Variants in RAI1 observed in about 807,000 individuals in gnomAD.
RAI1 encodes the protein retinoic acid induced 1.
RAI1 carries 9 observed loss-of-function variants against 123.8 expected under a neutral mutation model. The ratio of observed to expected loss-of-function variants is 0.07; its 90% CI spans 0.04 to 0.13. The LOEUF (loss-of-function observed/expected upper bound fraction) is 0.13, where lower values mean the gene tolerates loss of function less well. RAI1 is among the 10% of genes least tolerant of loss of function. The pLI is 1.00. For missense variants in RAI1, 2,256 were observed against 2,545.8 expected, an observed-to-expected ratio of 0.89 and a Z score of 2.45; for synonymous variants, 1,231 against 1,127.3, an observed-to-expected ratio of 1.09 and a Z score of -1.84.
chr17:17,737,349 C>G (rs1916463783), intron 2 of RAI1, among the ~76,000 whole-genome samples: 1 of 152,078 alleles, frequency 6.6e-6, no homozygotes, highest in African/African-American at 2.4e-5. Flanking sequence ...GAGGGTCTTG[C>G]CCAGACTCAC....
intron 2 of RAI1, among the ~76,000 whole-genome samples, chr17:17,773,352 C>A (rs2031234300): frequency 6.6e-6 from 1 of 152,144 alleles, no homozygotes; most frequent in Non-Finnish European, 1.5e-5. Context: ...GTGCATGGGA[C>A]AGAACAAGGT....
At chr17:17,682,116 C>A (rs1914443402) in intron 1 of RAI1, among the ~76,000 whole-genome samples, 1 of 146,134 alleles carries the variant, frequency 6.8e-6, no homozygotes, top group South Asian at 2.2e-4. Flanking sequence ...AAGGGATCTG[C>A]TTGCGCCGAG....
intron 1 of RAI1, among the ~76,000 whole-genome samples, chr17:17,682,729 TG>T (rs1914480560): frequency 6.6e-6 from 1 of 152,130 alleles, no homozygotes; most frequent in African/African-American, 2.4e-5. Context: ...CCCAGCTTCC[TG>T]GGGCGCCCGT....
At position 17,809,072 on chromosome 17, in the gene RAI1, G is replaced by T; in HGVS notation, c.5660-318G>T. The T allele has an allele frequency of 2.2e-6, 1 of 453,158 alleles. No homozygotes were observed. Among genetic ancestry groups the T allele is most frequent in the Non-Finnish European group, 4.1e-6 (1 of 242,860 alleles). The allele number at this position is 453,158 out of a possible 1,614,324, so 28.1% of individuals were successfully genotyped here. A position where few individuals can be genotyped will look rare whatever the true frequency, so the allele number is the denominator to read the frequency against. On this transcript the variant is annotated intron_variant, in intron 4 of 5. Coordinates refer to ENST00000353383, the MANE Select transcript of RAI1 (RefSeq NM_030665.4). This position sits in a 1 kb window ranked among gnomAD's most constrained non-coding sequence, Gnocchi z 4.9. ...TTAGGAGGCAGTGACAAGTGTGGCTGGCAGAGTAAGGCGGGAGGGAGGGAG... is the reference window on the plus strand; with the variant it reads ...TTAGGAGGCAGTGACAAGTGTGGCTTGCAGAGTAAGGCGGGAGGGAGGGAG...
At chr17:17,727,401 CT>C (rs1481205926) in intron 2 of RAI1, among the ~76,000 whole-genome samples, 9 of 152,226 alleles carry the variant, frequency 5.9e-5, no homozygotes, top group Non-Finnish European at 1.0e-4. Flanking sequence ...TTCCTGAGGT[CT>C]TTAAGGCTGA....
intron 3 of RAI1, among the ~76,000 whole-genome samples, chr17:17,803,085 CAAAAAAAAAAAAAAA>C (rs1167089282): frequency 5.4e-5 from 3 of 55,946 alleles, no homozygotes; most frequent in African/African-American, 1.8e-4. Flanking sequence ...AATTCTGTCT[CAAAAAAAAAAAAAAA>C]AAAAAAAAGC....
At chr17:17,808,464 C>T (rs117950753) in intron 4 of RAI1, among the ~76,000 whole-genome samples, 1,817 of 131,732 alleles carry the variant, frequency 0.014, 20 homozygotes, top group Non-Finnish European at 0.02. Context: ...TTTATTTCAT[C>T]TCAGACAGGG....
Position 17,797,336 on chromosome 17 carries a change from T to C in RAI1, c.4388T>C (p.Leu1463Pro). Residue 1463 changes from leucine (L) to proline (P), a missense_variant, in exon 3 of 6, where the codon CTG becomes CCG. Physicochemically the swap from Leu to Pro is moderately conservative, Grantham distance 98 (BLOSUM62 -3). This residue lies in a region of RAI1 where 410 missense variants were observed against 374.6 expected (regional missense o/e 1.09). Coordinates refer to ENST00000353383, the MANE Select transcript of RAI1 (RefSeq NM_030665.4). ...GCCCATGGACTCTCCAAAGGCCCGCTGGAGAAGCGGCCCTATCTTGGCCCG... is the reference window on the plus strand; with the variant it reads ...GCCCATGGACTCTCCAAAGGCCCGCCGGAGAAGCGGCCCTATCTTGGCCCG... The part of the protein sequence containing the change: ...AGAHGLSKGP[L>P]EKRPYLGPAL... 6.2e-7 allele frequency: 1 copy of C among 1,612,276 alleles called. No homozygotes were observed. Among genetic ancestry groups the C allele is most frequent in the Non-Finnish European group, 8.5e-7 (1 of 1,179,754 alleles).
chr17:17,742,637 G>GAC (rs1371952488), intron 2 of RAI1, among the ~76,000 whole-genome samples: 4 of 152,070 alleles, frequency 2.6e-5, no homozygotes, highest in African/African-American at 4.8e-5. Flanking sequence ...GAGAGAGAGA[G>GAC]AGAAGTGTGT....
chr17:17,768,743 C>G (rs1247066518), intron 2 of RAI1, among the ~76,000 whole-genome samples: 1 of 152,236 alleles, frequency 6.6e-6, no homozygotes, highest in Non-Finnish European at 1.5e-5. Flanking sequence ...TGAAACCAAG[C>G]CAAGAGCTTG....
chr17:17,807,250 G>T (rs1382558807), intron 4 of RAI1, among the ~76,000 whole-genome samples: 1 of 147,480 alleles, frequency 6.8e-6, no homozygotes, highest in African/African-American at 2.5e-5. Flanking sequence ...GCCAGGCGGT[G>T]GGGGGGGCGG....
intron 1 of RAI1, among the ~76,000 whole-genome samples, chr17:17,702,159 T>C (rs1364669195): frequency 6.6e-6 from 1 of 152,086 alleles, no homozygotes; most frequent in African/African-American, 2.4e-5. Context: ...GAACACTGGC[T>C]GACATGAGGG....
chr17:17,688,025 CA>C (rs61049701), intron 1 of RAI1, among the ~76,000 whole-genome samples: 1,499 of 90,002 alleles, frequency 0.017, 35 homozygotes, highest in East Asian at 0.14. Context: ...GACTCTGTCT[CA>C]AAAAAAAAAA....
Position 17,779,733 on chromosome 17 carries a change from G to T in RAI1, c.-16-13200G>T, listed in dbSNP as rs187390183. On this transcript the variant is annotated intron_variant, in intron 2 of 5. Transcript: ENST00000353383. ...AAGTGGGTAGCGGGAAATCAGTGAT[G>T]GTAGGCCCTGGGACTTCTCTCTAGT... is the stretch of plus-strand genomic sequence containing the variant. 7.0e-3 allele frequency among the ~76,000 whole-genome samples: 1,060 copies of T among 150,444 alleles called. 8 individuals carry two copies. The highest frequency in any genetic ancestry group is 0.012 in the South Asian group (57 of 4,758).
Position 17,800,198 on chromosome 17 carries a change from CTCT to C in RAI1, c.5565+1686_5565+1688del, listed in dbSNP as rs2032410893. Reference sequence around the variant, plus strand: ...TCTCTCTGTCTCTCTCTCTCTCTCTCTCTCTCTCTCTCTCTCTCTCTCTCTCTC... The same window carrying C: ...TCTCTCTGTCTCTCTCTCTCTCTCTCCTCTCTCTCTCTCTCTCTCTCTCTC... On this transcript the variant is annotated intron_variant, in intron 3 of 5. Coordinates refer to ENST00000353383, the MANE Select transcript of RAI1 (RefSeq NM_030665.4). The surrounding 1 kb of genome is among the most constrained non-coding windows in gnomAD (Gnocchi z 4.7). Among the ~76,000 whole-genome samples, 1 of 129,778 alleles carries C rather than the reference CTCT, an allele frequency of 7.7e-6. No homozygotes were observed. The highest frequency in any genetic ancestry group is 1.7e-5 in the Non-Finnish European group (1 of 59,382). 85.1% of individuals were successfully genotyped at this position (129,778 alleles called of 152,430 possible).
At position 17,798,526 on chromosome 17, in the gene RAI1, C is replaced by G; in HGVS notation, c.5565+13C>G. On this transcript the variant is annotated intron_variant, in intron 3 of 5. Transcript: ENST00000353383. The stretch of plus-strand genomic sequence containing the variant: ...GGCCGTGGACATGGTAAGAGGCCAG[C>G]CCAGCCAGGGTGGGGAGTGTGGGGT... 1 of 1,598,624 alleles carries G rather than the reference C, an allele frequency of 6.3e-7. No homozygotes were observed. The highest frequency in any genetic ancestry group is 2.2e-5 in the East Asian group (1 of 44,868).
At chr17:17,710,850 C>T (rs1915544030) in intron 1 of RAI1, among the ~76,000 whole-genome samples, 1 of 152,216 alleles carries the variant, frequency 6.6e-6, no homozygotes, top group Middle Eastern at 3.2e-3. Flanking sequence ...CGTCTTCTTG[C>T]CCAAGGTCAC....
chr17:17,698,517 C>A (rs1311387893), intron 1 of RAI1, among the ~76,000 whole-genome samples: 3 of 152,198 alleles, frequency 2.0e-5, no homozygotes, highest in Admixed American at 6.5e-5. Flanking sequence ...ATGTGTCTGT[C>A]ACTACTTTCC....
chr17:17,783,142 T>C (rs749641158), intron 2 of RAI1, among the ~76,000 whole-genome samples: 2 of 152,106 alleles, frequency 1.3e-5, no homozygotes, highest in Non-Finnish European at 2.9e-5. Flanking sequence ...CTCCGCCTCA[T>C]GGCGAGTGCA....
Sources: allele counts gnomAD v4.1 joint callset (sites outside exome capture counted in the v4.1 genomes callset), GRCh38; gene constraint gnomAD v4.1.1; regional missense constraint gnomAD v4.1.1; non-coding constraint Gnocchi (gnomAD v3.1); transcripts MANE v1.5; gene names NCBI Gene and HGNC (gene_info 2026-07-23, HGNC 2026-07-21).